Variants in EXOC3L4 observed in about 807,000 individuals in gnomAD.
EXOC3L4 encodes the protein exocyst complex component 3-like protein 4.
EXOC3L4 carries 62 observed loss-of-function variants against 69.7 expected under a neutral mutation model. The ratio of observed to expected loss-of-function variants is 0.89; its 90% CI spans 0.72 to 1.10. The LOEUF is 1.10. Ranked by LOEUF, EXOC3L4 falls within the 50% of genes least tolerant of loss-of-function variation. The pLI, the probability that EXOC3L4 is intolerant of heterozygous loss-of-function variation, is 0.00. For synonymous variants in EXOC3L4, 502 were observed against 464.2 expected (o/e 1.08, Z -1.05); for missense variants, 1,087 against 1,034.8 (o/e 1.05, Z -0.69).
intron 1 of EXOC3L4, among the ~76,000 whole-genome samples, chr14:103,096,386 C>T (rs1280154149): frequency 8.4e-6 from 1 of 119,682 alleles, no homozygotes; most frequent in African/African-American, 3.0e-5. Context: ...AGGAGGTTGA[C>T]GTTTTGGCAA....
Position 103,104,284 on chromosome 14 carries a change from C to A in EXOC3L4, c.1179C>A (p.Cys393Ter). The A allele has an allele frequency of 6.3e-7, 1 of 1,595,550 alleles. No homozygotes were observed. ...CCCCCCAGGCCAAGATCGCAAGCTGCTTCGACAGCATCTTGCAGCTGGAGC... is the reference window on the plus strand; with the variant it reads ...CCCCCCAGGCCAAGATCGCAAGCTGATTCGACAGCATCTTGCAGCTGGAGC... ...TSFLEAKIAS[C>*]FDSILQLEQS... Residue 393 changes from cysteine to a stop codon, truncating the protein, a stop_gained, in exon 5 of 12, where the codon TGC becomes TGA. Coordinates refer to ENST00000688303, the MANE Select transcript of EXOC3L4 (RefSeq NM_001077594.2). LOFTEE classifies it high-confidence loss of function.
chr14:103,103,376 G>GAA (rs1890328533), intron 3 of EXOC3L4, among the ~76,000 whole-genome samples: 3 of 124,654 alleles, frequency 2.4e-5, no homozygotes, highest in African/African-American at 8.6e-5. Context: ...AAAAAAGAAA[G>GAA]AAAGAAAGAA....
chr14:103,094,518 G>A (rs1248962875), upstream of EXOC3L4, among the ~76,000 whole-genome samples: 2 of 152,198 alleles, frequency 1.3e-5, no homozygotes, highest in African/African-American at 4.8e-5. Context: ...GCCGAGCTCC[G>A]CAGCCTTCCC....
rs1890651971 is a variant in EXOC3L4 at position 103,107,739 on chromosome 14, A to T, written c.1810A>T (p.Met604Leu). 2 of 1,545,730 alleles carry T rather than the reference A, an allele frequency of 1.3e-6. No individual in the cohort carries two copies. Among genetic ancestry groups the T allele is most frequent in the Non-Finnish European group, 1.8e-6 (2 of 1,142,006 alleles). The change falls in exon 10 of 12, where the codon ATG becomes TTG. Residue 604 changes from methionine to leucine, a missense_variant. Met to Leu is a conservative substitution (Grantham distance 15). Coordinates refer to ENST00000688303, the MANE Select transcript of EXOC3L4 (RefSeq NM_001077594.2). ...GMERMHGSQK[M>L]SLDAQAISDT... is the part of the protein sequence containing the mutation. ...GGAGCGCATGCATGGCTCCCAGAAGATGAGCCTGGATGCCCAGGCCATCAG... is the reference window on the plus strand; with the variant it reads ...GGAGCGCATGCATGGCTCCCAGAAGTTGAGCCTGGATGCCCAGGCCATCAG...
chr14:103,103,827 T>TAC, intron 3 of EXOC3L4, 114 bp from the exon 4 acceptor site: 1 of 649,806 alleles, frequency 1.5e-6, no homozygotes, highest in Non-Finnish European at 2.7e-6. Context: ...TGTGTGTGTG[T>TAC]GTACAGATGC....
chr14:103,100,225 A>G lies in EXOC3L4; in HGVS notation c.6A>G (p.Pro2=). ...CCAGCTCTCCTGCTGCCAAGATGCC[A>G]TCACCACAGACAGACACTCCTGGGC... is the stretch of plus-strand genomic sequence containing the variant. M[P]SPQTDTPGPE... The change falls in exon 2 of 12, where the codon CCA becomes CCG. Residue 2 remains proline (P), a synonymous_variant. Coordinates refer to ENST00000688303, the MANE Select transcript of EXOC3L4 (RefSeq NM_001077594.2). 1 of 1,572,994 alleles carries G rather than the reference A, an allele frequency of 6.4e-7. No homozygotes were observed. Among genetic ancestry groups the G allele is most frequent in the Non-Finnish European group, 8.7e-7 (1 of 1,154,870 alleles).
chr14:103,099,112 G>T (rs1336732218), intron 1 of EXOC3L4, among the ~76,000 whole-genome samples: 1 of 152,190 alleles, frequency 6.6e-6, no homozygotes, highest in Non-Finnish European at 1.5e-5. Context: ...CCTGGGTGGG[G>T]GGCCCTGGGG....
At position 103,104,059 on chromosome 14, in the gene EXOC3L4, C is replaced by T; in HGVS notation, c.1161+7C>T. 1.9e-6 allele frequency: 3 copies of T among 1,552,564 alleles called. No individual in the cohort carries two copies. The highest frequency in any genetic ancestry group is 1.9e-5 in the Admixed American group (1 of 53,192). On this transcript the variant is annotated splice_region_variant and intron_variant, in intron 4 of 11. Coordinates refer to ENST00000688303, the MANE Select transcript of EXOC3L4 (RefSeq NM_001077594.2). ...CTACACCAGCTTCCTGGAGGTCAGG[C>T]CGGGCGGGTCAGGCTGGGCGGGCCA...
chr14:103,108,183 A>G (rs1890681897), intron 10 of EXOC3L4, among the ~76,000 whole-genome samples: 1 of 151,774 alleles, frequency 6.6e-6, no homozygotes, highest in African/African-American at 2.4e-5. Context: ...ATCGGAGGGG[A>G]GATGAAGGCT....
In EXOC3L4 at chr14:103,097,478, G is replaced by T. The variant is rs951438924; in HGVS notation, c.-17+2638G>T. 6.6e-6 allele frequency among the ~76,000 whole-genome samples: 1 copy of T among 152,136 alleles called. No homozygotes were observed. The highest frequency in any genetic ancestry group is 1.9e-4 in the East Asian group (1 of 5,186). On this transcript the variant is annotated intron_variant, in intron 1 of 11. Transcript: ENST00000688303. The surrounding 1 kb of genome is among the most constrained non-coding windows in gnomAD (Gnocchi z 4.9). The stretch of plus-strand genomic sequence containing the variant: ...CAGGCGAGAGCCTTGGGAGGTGGAG[G>T]GGGGAGTTGAGAGGGGCCTTCAGGT...
In EXOC3L4 at chr14:103,105,055, C is replaced by T. The variant is rs142688553; in HGVS notation, c.1449C>T (p.Asn483=). 2.5e-6 allele frequency: 4 copies of T among 1,611,584 alleles called. No individual in the cohort carries two copies. The highest frequency in any genetic ancestry group is 3.4e-6 in the Non-Finnish European group (4 of 1,178,230). Residue 483 remains asparagine, a synonymous_variant, in exon 7 of 12, where the codon AAC becomes AAT. Coordinates refer to ENST00000688303, the MANE Select transcript of EXOC3L4 (RefSeq NM_001077594.2). ...VSEPHLGAYI[N]ACEELRTSLL... is the part of the protein sequence containing the mutation. ...AGCCGCACCTGGGCGCCTACATCAA[C>T]GCCTGCGAGGAGCTCAGGTAGGGCT...
In EXOC3L4 at chr14:103,110,095, T is replaced by C. The variant is rs770501229; in HGVS notation, c.2041T>C (p.Leu681=). ...GGGCCGCCAGCGGAACCAGCATCTC[T>C]TGCAGCACACTCAAGACCTGCTGAG... ...RLGRQRNQHL[L]QHTQDLLRAA... is the part of the protein sequence containing the mutation. Residue 681 remains leucine, a synonymous_variant, in exon 12 of 12, where the codon TTG becomes CTG. Coordinates refer to ENST00000688303, the MANE Select transcript of EXOC3L4 (RefSeq NM_001077594.2). 6.3e-7 allele frequency: 1 copy of C among 1,596,648 alleles called. No individual in the cohort carries two copies.
At chr14:103,106,969 G>A (rs1566952109) in intron 8 of EXOC3L4, 70 bp downstream of exon 8, 1 of 1,266,610 alleles carries the variant, frequency 7.9e-7, no homozygotes, top group South Asian at 1.4e-5. Context: ...TAGAGCCTGG[G>A]GGCCCAGGTC....
Position 103,104,406 on chromosome 14 carries a change from G to T in EXOC3L4, c.1284+17G>T. 1 of 1,542,122 alleles carries T rather than the reference G, an allele frequency of 6.5e-7. No homozygotes were observed. Reference sequence around the variant, plus strand: ...GTCCATATGGTGCGGCCCGGGAGCAGGGGCTGAGAAGGGGCGTCTGTTCAA... The same window carrying T: ...GTCCATATGGTGCGGCCCGGGAGCATGGGCTGAGAAGGGGCGTCTGTTCAA... On this transcript the variant is annotated intron_variant, in intron 5 of 11. Coordinates refer to ENST00000688303, the MANE Select transcript of EXOC3L4 (RefSeq NM_001077594.2).
In EXOC3L4 at chr14:103,107,725, A is replaced by G. The variant is rs751017968; in HGVS notation, c.1796A>G (p.His599Arg). 5.8e-6 allele frequency: 9 copies of G among 1,550,962 alleles called. No homozygotes were observed. Among genetic ancestry groups the G allele is most frequent in the African/African-American group, 1.4e-5 (1 of 73,416 alleles). The change falls in exon 10 of 12, where the codon CAT becomes CGT. Residue 599 changes from histidine (H) to arginine (R), a missense_variant. Transcript: ENST00000688303. Reference protein sequence around the residue: ...RERFRGMERMHGSQKMSLDAQ... With the variant: ...RERFRGMERMRGSQKMSLDAQ... Reference sequence around the variant, plus strand: ...CGGTTCCGGGGCATGGAGCGCATGCATGGCTCCCAGAAGATGAGCCTGGAT... The same window carrying G: ...CGGTTCCGGGGCATGGAGCGCATGCGTGGCTCCCAGAAGATGAGCCTGGAT...
chr14:103,094,883 G>A (rs985737455), intron 1 of EXOC3L4, 43 bp downstream of exon 1: 1 of 152,618 alleles, frequency 6.6e-6, no homozygotes, highest in Non-Finnish European at 1.5e-5. Context: ...GGGGTGCTGT[G>A]GGCGGGCTTG....
In EXOC3L4 at chr14:103,110,107, C is replaced by G. The variant is rs744153; in HGVS notation, c.2053C>G (p.Gln685Glu). The part of the protein sequence containing the change: ...QRNQHLLQHT[Q>E]DLLRAAAGAA... ...GAACCAGCATCTCTTGCAGCACACT[C>G]AAGACCTGCTGAGAGCTGCGGCCGG... The change falls in exon 12 of 12, where the codon CAA becomes GAA. Residue 685 changes from glutamine (Q) to glutamate (E), a missense_variant. Physicochemically the swap from Gln to Glu is conservative, Grantham distance 29. Coordinates refer to ENST00000688303, the MANE Select transcript of EXOC3L4 (RefSeq NM_001077594.2). 0.29 allele frequency: 467,485 copies of G among 1,586,106 alleles called. 88,114 individuals carry two copies. Among genetic ancestry groups the G allele is most frequent in the African/African-American group, 0.84 (62,623 of 74,726 alleles).
rs201479006 is a variant in EXOC3L4 at position 103,100,526 on chromosome 14, A to T, written c.307A>T (p.Thr103Ser). The T allele has an allele frequency of 6.2e-7, 1 of 1,612,490 alleles. No homozygotes were observed. Among genetic ancestry groups the T allele is most frequent in the Non-Finnish European group, 8.5e-7 (1 of 1,179,692 alleles). The change falls in exon 2 of 12, where the codon ACT (threonine) becomes TCT (serine). Residue 103 changes from threonine to serine, a missense_variant. Transcript: ENST00000688303. ...CCCAGCTACCGGCCATTCCCAGGCC[A>T]CTCCTGAGGTGCCCTCGGGGGTCAT... ...DGPATGHSQATPEVPSGVMNG... is the reference protein window; with the variant it reads ...DGPATGHSQASPEVPSGVMNG...
Position 103,100,518 on chromosome 14 carries a change from C to G in EXOC3L4, c.299C>G (p.Ser100Cys), listed in dbSNP as rs751114983. 6.2e-7 allele frequency: 1 copy of G among 1,612,894 alleles called. No individual in the cohort carries two copies. The highest frequency in any genetic ancestry group is 1.1e-5 in the South Asian group (1 of 90,904). ...AATGACGGCCCAGCTACCGGCCATT[C>G]CCAGGCCACTCCTGAGGTGCCCTCG... ...ALNDGPATGH[S>C]QATPEVPSGV... Residue 100 changes from serine to cysteine, a missense_variant, in exon 2 of 12, where the codon TCC becomes TGC. Coordinates refer to ENST00000688303, the MANE Select transcript of EXOC3L4 (RefSeq NM_001077594.2).
Sources: allele counts gnomAD v4.1 joint callset (sites outside exome capture counted in the v4.1 genomes callset), GRCh38; gene constraint gnomAD v4.1.1; non-coding constraint Gnocchi (gnomAD v3.1); transcripts MANE v1.5; gene names NCBI Gene and HGNC (gene_info 2026-07-23, HGNC 2026-07-21).